The following IGF2BP3 variants were observed in gnomAD, a reference collection of about 807,000 sequenced individuals.
IGF2BP3 encodes the protein insulin-like growth factor 2 mRNA-binding protein 3.
Under a neutral mutation model 73.8 loss-of-function variants are expected in IGF2BP3, and 9 were observed. That is an observed-to-expected ratio of 0.12 (90% CI 0.07 to 0.21). The LOEUF is 0.21. Ranked by LOEUF, IGF2BP3 falls within the 10% of genes least tolerant of loss-of-function variation. The pLI is 1.00. For missense variants in IGF2BP3, 542 were observed against 714.0 expected (o/e 0.76, Z 2.75); for synonymous variants, 258 against 256.7 (o/e 1.01, Z -0.05).
rs1438205672 is a variant in IGF2BP3 at position 23,343,604 on chromosome 7, A to C, written c.1077+114T>G. 4 of 1,020,572 alleles carry C rather than the reference A, an allele frequency of 3.9e-6. No individual in the cohort carries two copies. The Admixed American group carries it at 7.6e-5, about 20-fold the overall frequency. The allele number at this position is 1,020,572 out of a possible 1,614,324, so 63.2% of individuals were successfully genotyped here. On this transcript the variant is annotated intron_variant, in intron 9 of 14. Coordinates refer to ENST00000258729, the MANE Select transcript of IGF2BP3 (RefSeq NM_006547.3). ...GGTACTTGCTGAGGTGCTAAAAATC[A>C]ACTAGAACTACTTCTAGTGATAATG... is the stretch of plus-strand genomic sequence containing the variant.
At chr7:23,438,906 T>C (rs1787866012) in intron 2 of IGF2BP3, among the ~76,000 whole-genome samples, 1 of 152,206 alleles carries the variant, frequency 6.6e-6, no homozygotes, top group Non-Finnish European at 1.5e-5. Context: ...TCCACCATTA[T>C]AGTTGTTAAA....
rs750035283 is a variant in IGF2BP3 at position 23,317,732 on chromosome 7, C to G, written c.1321-19G>C. The G allele has an allele frequency of 8.7e-6, 14 of 1,604,574 alleles. No individual in the cohort carries two copies. Among genetic ancestry groups the G allele is most frequent in the Admixed American group, 3.3e-5 (2 of 59,990 alleles). On this transcript the variant is annotated intron_variant, in intron 11 of 14. Transcript: ENST00000258729. ...GAGCAATCTGTAACAGACCCAACAA[C>G]AAGTTATGATACTTTCAGGTATCAC... is the stretch of plus-strand genomic sequence containing the variant.
chr7:23,375,670 AT>A (rs1005912646), intron 3 of IGF2BP3, among the ~76,000 whole-genome samples: 7 of 152,312 alleles, frequency 4.6e-5, no homozygotes, highest in Admixed American at 2.6e-4. Context: ...TAAGAAGTGA[AT>A]TTTCTAAATG....
At chr7:23,439,886 G>C (rs1485457961) in intron 2 of IGF2BP3, among the ~76,000 whole-genome samples, 1 of 152,162 alleles carries the variant, frequency 6.6e-6, no homozygotes, top group Non-Finnish European at 1.5e-5. Flanking sequence ...ACATCTACCT[G>C]CCCTCGGGCT....
intron 3 of IGF2BP3, among the ~76,000 whole-genome samples, chr7:23,387,972 T>C (rs1583975554): frequency 6.6e-6 from 1 of 152,180 alleles, no homozygotes; most frequent in East Asian, 1.9e-4. Context: ...AGTCTCGCTC[T>C]GTTGCCCAGG....
Position 23,319,197 on chromosome 7 carries a change from T to A in IGF2BP3, c.1261A>T (p.Ile421Phe). 6.2e-7 allele frequency: 1 copy of A among 1,613,988 alleles called. No individual in the cohort carries two copies. The highest frequency in any genetic ancestry group is 8.5e-7 in the Non-Finnish European group (1 of 1,179,910). Residue 421 changes from isoleucine to phenylalanine, a missense_variant, in exon 11 of 15, where the codon ATC becomes TTC. Ile to Phe is a conservative substitution (Grantham distance 21, BLOSUM62 0). Coordinates refer to ENST00000258729, the MANE Select transcript of IGF2BP3 (RefSeq NM_006547.3). ...TTGATGTGCTGGCCCTGCTTGCCGA[T>A]GATGGCACCGACTGATAGAGCTGGG... ...FIPALSVGAI[I>F]GKQGQHIKQL... is the part of the protein sequence containing the mutation.
intron 5 of IGF2BP3, among the ~76,000 whole-genome samples, chr7:23,353,334 A>T (rs1479669911): frequency 3.9e-5 from 6 of 152,086 alleles, no homozygotes; most frequent in Non-Finnish European, 8.8e-5. Context: ...GAGGGCTAGG[A>T]CCTGGAAGGC....
chr7:23,320,644 T>TAAAA (rs35291021), intron 10 of IGF2BP3, among the ~76,000 whole-genome samples: 3 of 115,336 alleles, frequency 2.6e-5, no homozygotes, highest in East Asian at 2.5e-4. Context: ...TGCTTTTGTT[T>TAAAA]AAAAAAAAAA....
chr7:23,367,274 G>A (rs1435648173), intron 3 of IGF2BP3, among the ~76,000 whole-genome samples: 3 of 151,890 alleles, frequency 2.0e-5, no homozygotes, highest in East Asian at 1.9e-4. Flanking sequence ...CACAGTGTCC[G>A]GCCGCATTTT....
At chr7:23,372,930 C>T (rs1785603653) in intron 3 of IGF2BP3, among the ~76,000 whole-genome samples, 1 of 152,202 alleles carries the variant, frequency 6.6e-6, no homozygotes, top group African/African-American at 2.4e-5. Flanking sequence ...AGAACTTGGA[C>T]AGATAAATGC....
chr7:23,458,930 C>T (rs1247982902), intron 2 of IGF2BP3, among the ~76,000 whole-genome samples: 1 of 152,178 alleles, frequency 6.6e-6, no homozygotes. Context: ...ATTTGGACAA[C>T]TTAAATGGGA....
At position 23,320,275 on chromosome 7, in the gene IGF2BP3, T is replaced by C. The variant is rs188860140; in HGVS notation, c.1204-1021A>G. On this transcript the variant is annotated intron_variant, in intron 10 of 14. Coordinates refer to ENST00000258729, the MANE Select transcript of IGF2BP3 (RefSeq NM_006547.3). ...TTGTAGGCTAACTCCTGAAAGGTCA[T>C]TCATAAATAGATTTTATCTATGTAC... 8.5e-5 allele frequency among the ~76,000 whole-genome samples: 13 copies of C among 152,300 alleles called. No individual in the cohort carries two copies. The East Asian group carries it at 2.5e-3, about 29-fold the overall frequency.
chr7:23,414,546 G>A (rs993605445), intron 3 of IGF2BP3: 1 of 152,202 alleles, frequency 6.6e-6, no homozygotes, highest in South Asian at 2.1e-4. Flanking sequence ...TTACTTCAAG[G>A]TTAGAGGTTT....
intron 2 of IGF2BP3, among the ~76,000 whole-genome samples, chr7:23,424,596 AAAAG>A (rs1372125494): frequency 1.3e-5 from 2 of 151,926 alleles, no homozygotes; most frequent in South Asian, 2.1e-4. Flanking sequence ...GTTTAATCAC[AAAAG>A]AAAGAGTCAA....
chr7:23,338,280 T>C (rs1784623946), intron 10 of IGF2BP3, among the ~76,000 whole-genome samples: 2 of 152,180 alleles, frequency 1.3e-5, no homozygotes, highest in African/African-American at 4.8e-5. Flanking sequence ...GAACTTTTTC[T>C]CCCTTGCAAT....
At position 23,468,478 on chromosome 7, in the gene IGF2BP3, T is replaced by G; in HGVS notation, c.236+4A>C. ...AATCGGGGCAAACAGAAGCAGCAGCTCACCTTTGCCTTTTTGGGACCGAGT... is the reference window on the plus strand; with the variant it reads ...AATCGGGGCAAACAGAAGCAGCAGCGCACCTTTGCCTTTTTGGGACCGAGT... On this transcript the variant is annotated splice_donor_region_variant and intron_variant, in intron 2 of 14. Coordinates refer to ENST00000258729, the MANE Select transcript of IGF2BP3 (RefSeq NM_006547.3). 6.2e-7 allele frequency: 1 copy of G among 1,614,156 alleles called. No individual in the cohort carries two copies. The highest frequency in any genetic ancestry group is 8.5e-7 in the Non-Finnish European group (1 of 1,179,996).
chr7:23,396,286 T>C (rs1010818752), intron 3 of IGF2BP3, among the ~76,000 whole-genome samples: 6 of 152,024 alleles, frequency 3.9e-5, no homozygotes, highest in Non-Finnish European at 8.8e-5. Flanking sequence ...TGCACACCTA[T>C]AGCCCCAGCA....
chr7:23,463,196 T>G (rs929864756), intron 2 of IGF2BP3, among the ~76,000 whole-genome samples: 2 of 152,184 alleles, frequency 1.3e-5, no homozygotes, highest in African/African-American at 4.8e-5. Context: ...TTCCAAAAAT[T>G]AGTTATTGCT....
intron 10 of IGF2BP3, among the ~76,000 whole-genome samples, chr7:23,330,259 C>A (rs1784410032): frequency 6.6e-6 from 1 of 151,132 alleles, no homozygotes; most frequent in East Asian, 1.9e-4. Flanking sequence ...GCACTCCAGC[C>A]CGGGTGACAG....
Sources: allele counts gnomAD v4.1 joint callset (sites outside exome capture counted in the v4.1 genomes callset), GRCh38; gene constraint gnomAD v4.1.1; transcripts MANE v1.5; gene names NCBI Gene and HGNC (gene_info 2026-07-23, HGNC 2026-07-21).